The following MTR variants were observed in gnomAD, a reference collection of about 807,000 sequenced individuals.
MTR encodes 5-methyltetrahydrofolate-homocysteine methyltransferase.
MTR carries 84 observed loss-of-function variants against 154.8 expected under a neutral mutation model. That is an observed-to-expected ratio of 0.54 (90% CI 0.45 to 0.65). MTR has a LOEUF of 0.65. Among genes scored for constraint, MTR ranks in the 30% least tolerant of loss-of-function variants. The probability of loss-of-function intolerance (pLI) is 0.00; values close to 1 mark genes in which losing one functional copy is unlikely to be tolerated. For synonymous variants in MTR, 554 were observed against 553.9 expected (o/e 1.00, Z 0.00); for missense variants, 1,275 against 1,570.2 (o/e 0.81, Z 3.18).
intron 18 of MTR, among the ~76,000 whole-genome samples, chr1:236,858,683 G>A (rs1664345773): frequency 6.6e-6 from 1 of 152,160 alleles, no homozygotes; most frequent in Admixed American, 6.5e-5. Flanking sequence ...GAAGCAGGGT[G>A]GAGAGAAAAA....
intron 12 of MTR, among the ~76,000 whole-genome samples, chr1:236,829,559 C>T (rs943872960): frequency 2.0e-5 from 3 of 152,186 alleles, no homozygotes; most frequent in African/African-American, 4.8e-5. Context: ...GTTTTGAAAA[C>T]ATACTCTTGG....
At chr1:236,876,860 G>A (rs1352481247) in intron 24 of MTR, among the ~76,000 whole-genome samples, 1 of 152,186 alleles carries the variant, frequency 6.6e-6, no homozygotes, top group African/African-American at 2.4e-5. Context: ...TTCAGTTACT[G>A]CGAAATATCT....
chr1:236,802,051 G>A (rs1034308065), intron 1 of MTR, among the ~76,000 whole-genome samples: 2 of 152,188 alleles, frequency 1.3e-5, no homozygotes, highest in Non-Finnish European at 2.9e-5. Context: ...AGGGGTTGAA[G>A]AAAGGGGTTG....
In MTR at chr1:236,886,199, C is replaced by A. The variant is rs567503921; in HGVS notation, c.2776-93C>A. On this transcript the variant is annotated intron_variant, in intron 26 of 32. Coordinates refer to ENST00000366577, the MANE Select transcript of MTR (RefSeq NM_000254.3). ...ATGAATAAGAGCATTTGCTTTCTTGCAAAGCTTACATACTGGCCTTCTTGG... is the reference window on the plus strand; with the variant it reads ...ATGAATAAGAGCATTTGCTTTCTTGAAAAGCTTACATACTGGCCTTCTTGG... 7 of 1,018,950 alleles carry A rather than the reference C, an allele frequency of 6.9e-6. No homozygotes were observed. In the African/African-American group the frequency reaches 9.5e-5, roughly 14 times the overall value. The allele number at this position is 1,018,950 out of a possible 1,614,324, so 63.1% of individuals were successfully genotyped here.
chr1:236,808,118 G>T (rs1661088799), intron 3 of MTR, among the ~76,000 whole-genome samples: 1 of 152,206 alleles, frequency 6.6e-6, no homozygotes, highest in Non-Finnish European at 1.5e-5. Flanking sequence ...CTTCTGGAGG[G>T]CCGTGAACCT....
At chr1:236,803,783 T>G in intron 2 of MTR, 141 bp downstream of exon 2, 1 of 886,684 alleles carries the variant, frequency 1.1e-6, no homozygotes, top group Non-Finnish European at 1.8e-6. Context: ...GTTTTGGACA[T>G]CAAATAAAAG....
chr1:236,857,703 A>G (rs1264903796), intron 18 of MTR, among the ~76,000 whole-genome samples: 1 of 152,246 alleles, frequency 6.6e-6, no homozygotes, highest in Non-Finnish European at 1.5e-5. Context: ...CAGCTCAGTG[A>G]TACATGCAGA....
At chr1:236,896,345 G>GCT in intron 31 of MTR, among the ~76,000 whole-genome samples, 2 of 152,346 alleles carry the variant, frequency 1.3e-5, no homozygotes, top group Middle Eastern at 6.8e-3. Flanking sequence ...GAAACCATGA[G>GCT]CTGTGCTGAA....
chr1:236,800,702 T>C (rs2103003513), intron 1 of MTR, among the ~76,000 whole-genome samples: 1 of 152,348 alleles, frequency 6.6e-6, no homozygotes, highest in South Asian at 2.1e-4. Context: ...CTTTAGAGCT[T>C]CAGTCCTTGC....
At chr1:236,832,332 A>G (rs1444509580) in intron 13 of MTR, among the ~76,000 whole-genome samples, 1 of 152,226 alleles carries the variant, frequency 6.6e-6, no homozygotes, top group Non-Finnish European at 1.5e-5. Context: ...GGAGGGATCC[A>G]GGTTCTAGCT....
intron 4 of MTR, 53 bp downstream of exon 4, chr1:236,808,826 G>T: frequency 6.6e-7 from 1 of 1,512,252 alleles, no homozygotes; most frequent in South Asian, 1.1e-5. Context: ...GATACTGTCA[G>T]CTATAATGTG....
intron 18 of MTR, among the ~76,000 whole-genome samples, chr1:236,858,962 T>C (rs1482772038): frequency 1.3e-5 from 2 of 152,246 alleles, no homozygotes; most frequent in East Asian, 1.9e-4. Flanking sequence ...AAAATTCCTA[T>C]GTACTTAGTC....
intron 22 of MTR, among the ~76,000 whole-genome samples, chr1:236,866,185 A>G (rs374882567): frequency 2.0e-5 from 3 of 152,200 alleles, no homozygotes; most frequent in South Asian, 4.1e-4. Context: ...TGCATAGAAC[A>G]TGTGTCTTGA....
chr1:236,847,426 A>G (rs1187017622), intron 15 of MTR, among the ~76,000 whole-genome samples: 3 of 152,166 alleles, frequency 2.0e-5, no homozygotes, highest in African/African-American at 2.4e-5. Context: ...GTTTTATTGC[A>G]TTACTGCCTG....
intron 22 of MTR, among the ~76,000 whole-genome samples, chr1:236,867,787 A>G (rs960291842): frequency 6.6e-6 from 1 of 152,222 alleles, no homozygotes; most frequent in Non-Finnish European, 1.5e-5. Context: ...GATGTGGTAG[A>G]AATAGCAAGA....
At position 236,859,815 on chromosome 1, in the gene MTR, G is replaced by A. The variant is rs762618136; in HGVS notation, c.1954-18G>A. Reference sequence around the variant, plus strand: ...AGTGATGAGTTGTATCCATTTCTTGGTTTCAATTTCAATTCAGACTCAAGG... The same window carrying A: ...AGTGATGAGTTGTATCCATTTCTTGATTTCAATTTCAATTCAGACTCAAGG... On this transcript the variant is annotated intron_variant, in intron 18 of 32. Coordinates refer to ENST00000366577, the MANE Select transcript of MTR (RefSeq NM_000254.3). 1 of 1,603,814 alleles carries A rather than the reference G, an allele frequency of 6.2e-7. No individual in the cohort carries two copies. The highest frequency in any genetic ancestry group is 8.5e-7 in the Non-Finnish European group (1 of 1,170,802).
At chr1:236,805,894 G>C (rs1045519192) in intron 2 of MTR, among the ~76,000 whole-genome samples, 5 of 152,150 alleles carry the variant, frequency 3.3e-5, no homozygotes, top group Admixed American at 3.3e-4. Flanking sequence ...TAAGGGACTT[G>C]ATTAAGTTCT....
intron 8 of MTR, chr1:236,820,081 A>G (rs1661835891): frequency 1.3e-6 from 1 of 774,016 alleles, no homozygotes; most frequent in South Asian, 1.3e-5. Context: ...TGCGCTGTGT[A>G]ACACAGATTC....
chr1:236,808,890 CAG>C, intron 4 of MTR, 117 bp downstream of exon 4: 2 of 843,192 alleles, frequency 2.4e-6, no homozygotes, highest in Admixed American at 3.8e-5. Flanking sequence ...AGTAACACTG[CAG>C]AGACTGTATT....
Sources: gnomAD v4.1 joint callset for allele counts (sites outside exome capture counted in the v4.1 genomes callset) on GRCh38, gnomAD v4.1.1 for gene constraint, MANE v1.5 for transcripts, NCBI Gene and HGNC (gene_info 2026-07-23, HGNC 2026-07-21) for gene names.